Variants in KCNQ1 observed in about 807,000 individuals in gnomAD.
KCNQ1 encodes the protein potassium voltage-gated channel subfamily Q member 1, also known as potassium voltage-gated channel subfamily KQT member 1.
In KCNQ1, 49 loss-of-function variants were observed where a neutral mutation model predicts 72.4. The ratio of observed to expected loss-of-function variants is 0.68; its 90% CI spans 0.54 to 0.86. The LOEUF (loss-of-function observed/expected upper bound fraction) is 0.86. KCNQ1 is among the 40% of genes least tolerant of loss of function. KCNQ1 has a pLI of 0.00. For synonymous variants in KCNQ1, 450 were observed against 412.6 expected (o/e 1.09, Z -1.10); for missense variants, 790 against 945.1 (o/e 0.84, Z 2.15).
chr11:2,576,257 C>G (rs1047078997), intron 6 of KCNQ1, among the ~76,000 whole-genome samples: 1 of 152,198 alleles, frequency 6.6e-6, no homozygotes, highest in Non-Finnish European at 1.5e-5. Flanking sequence ...CCAGCGAAGG[C>G]GCCGGCTCAG....
intron 15 of KCNQ1, among the ~76,000 whole-genome samples, chr11:2,841,969 G>A (rs1848223515): frequency 6.6e-6 from 1 of 152,232 alleles, no homozygotes; most frequent in East Asian, 1.9e-4. Flanking sequence ...TTGGGGTGGA[G>A]CTGACCAGGC....
Position 2,678,665 on chromosome 11 carries a change from C to T in KCNQ1, c.1514+16584C>T. ...GCTCATTTTCACAAATGCAGTCAAC[C>T]AGGGGAATTCATGGCATGGCCTAAG... is the stretch of plus-strand genomic sequence containing the variant. On this transcript the variant is annotated intron_variant, in intron 11 of 15. Transcript: ENST00000155840. This position sits in a 1 kb window ranked among gnomAD's most constrained non-coding sequence, Gnocchi z 4.9. 2.5e-6 allele frequency: 1 copy of T among 398,564 alleles called. No individual in the cohort carries two copies. The highest frequency in any genetic ancestry group is 4.4e-6 in the Non-Finnish European group (1 of 226,074). The allele number at this position is 398,564 out of a possible 1,614,324, so 24.7% of individuals were successfully genotyped here.
rs973799699 is a variant in KCNQ1, at chr11:2,494,407, G to A, written c.387-33521G>A. Among the ~76,000 whole-genome samples the A allele has an allele frequency of 6.6e-6, 1 of 152,124 alleles. No homozygotes were observed. Among genetic ancestry groups the A allele is most frequent in the Non-Finnish European group, 1.5e-5 (1 of 68,022 alleles). On this transcript the variant is annotated intron_variant, in intron 1 of 15. Transcript: ENST00000155840. The surrounding 1 kb of genome is among the most constrained non-coding windows in gnomAD (Gnocchi z 4.6). ...TGTTGAATGGGAGTGGTGAGAGAGG[G>A]CATCCTTGTCTTGTGCTGGTTTTCA...
At position 2,593,084 on chromosome 11, in the gene KCNQ1, G is replaced by A. The variant is rs1220564408; in HGVS notation, c.1393+4230G>A. ...TCCAGTCCCCTCCTCATAGGGGAGT[G>A]GCCCTTTGTCTTTCACCACTGACCC... On this transcript the variant is annotated intron_variant, in intron 10 of 15. Transcript: ENST00000155840. The surrounding 1 kb of genome is among the most constrained non-coding windows in gnomAD (Gnocchi z 6.9). Among the ~76,000 whole-genome samples the A allele has an allele frequency of 6.6e-6, 1 of 152,184 alleles. No homozygotes were observed. Among genetic ancestry groups the A allele is most frequent in the Non-Finnish European group, 1.5e-5 (1 of 68,036 alleles).
At chr11:2,761,261 C>T (rs1353700551) in intron 11 of KCNQ1, among the ~76,000 whole-genome samples, 2 of 147,462 alleles carry the variant, frequency 1.4e-5, no homozygotes, top group African/African-American at 2.5e-5. Flanking sequence ...AATGGTCTGC[C>T]GGCCTGTCGG....
intron 2 of KCNQ1, among the ~76,000 whole-genome samples, chr11:2,561,105 G>C (rs1848158621): frequency 6.6e-6 from 1 of 151,472 alleles, no homozygotes; most frequent in African/African-American, 2.4e-5. Context: ...GGGAGGCTGA[G>C]GCAGTAGAAT....
chr11:2,733,777 C>CAA, intron 11 of KCNQ1, among the ~76,000 whole-genome samples: 1 of 17,202 alleles, frequency 5.8e-5, no homozygotes, highest in Non-Finnish European at 1.2e-4. Flanking sequence ...AGGCCTTCCA[C>CAA]ACACACACAC....
intron 15 of KCNQ1, among the ~76,000 whole-genome samples, chr11:2,788,560 C>T (rs996597477): frequency 5.3e-5 from 8 of 151,198 alleles, no homozygotes; most frequent in Non-Finnish European, 1.0e-4. Context: ...CCCCCGCCCC[C>T]CACACCCAAC....
rs759955554 is a variant in KCNQ1 at position 2,588,718 on chromosome 11, G to A, written c.1257G>A (p.Lys419=). ...SPKPKKSVVV[K]KKKFKLDKDN... is the part of the protein sequence containing the mutation. ...TGTTGTCTTGTTTTTTTTAGGTAAA[G>A]AAAAAAAAGTTCAAGCTGGACAAAG... The change falls in exon 10 of 16, where the codon AAG becomes AAA. Residue 419 remains lysine, a synonymous_variant. Coordinates refer to ENST00000155840, the MANE Select transcript of KCNQ1 (RefSeq NM_000218.3). This position sits in a 1 kb window ranked among gnomAD's most constrained non-coding sequence, Gnocchi z 5.6. 4 of 1,613,172 alleles carry A rather than the reference G, an allele frequency of 2.5e-6. No homozygotes were observed. Among genetic ancestry groups the A allele is most frequent in the Non-Finnish European group, 3.4e-6 (4 of 1,179,852 alleles).
In KCNQ1 at chr11:2,667,206, G is replaced by A. The variant is rs556362152; in HGVS notation, c.1514+5125G>A. The stretch of plus-strand genomic sequence containing the variant: ...AGCCCAGCTGTGGCGGCCCCCCGTG[G>A]CCCCCTAACCTTTCCAAACTTCACT... On this transcript the variant is annotated intron_variant, in intron 11 of 15. Coordinates refer to ENST00000155840, the MANE Select transcript of KCNQ1 (RefSeq NM_000218.3). 2.5e-5 allele frequency: 10 copies of A among 398,706 alleles called. No homozygotes were observed. The South Asian group carries it at 5.1e-4, about 20-fold the overall frequency. The allele number at this position is 398,706 out of a possible 1,614,324, so 24.7% of individuals were successfully genotyped here. A position where few individuals can be genotyped will look rare whatever the true frequency, so the allele number is the denominator to read the frequency against.
rs1850981394 is a variant in KCNQ1 at position 2,710,260 on chromosome 11, G to A, written c.1514+48179G>A. Among the ~76,000 whole-genome samples, 1 of 152,136 alleles carries A rather than the reference G, an allele frequency of 6.6e-6. No individual in the cohort carries two copies. Among genetic ancestry groups the A allele is most frequent in the Non-Finnish European group, 1.5e-5 (1 of 68,030 alleles). ...ACTAATGATGTTGAGCATCTTATTA[G>A]CCATTTGTATCTCTTCTTTGAAGAA... On this transcript the variant is annotated intron_variant, in intron 11 of 15. Transcript: ENST00000155840. This position sits in a 1 kb window ranked among gnomAD's most constrained non-coding sequence, Gnocchi z 4.1.
intron 2 of KCNQ1, among the ~76,000 whole-genome samples, chr11:2,539,367 C>T (rs901445683): frequency 1.3e-5 from 2 of 152,218 alleles, no homozygotes; most frequent in Admixed American, 1.3e-4. Flanking sequence ...TGTTTTCAAG[C>T]TACAGGAGCG....
In KCNQ1 at chr11:2,583,436, T is replaced by C; in HGVS notation, c.923T>C (p.Val308Ala). The C allele has an allele frequency of 6.2e-7, 1 of 1,609,588 alleles. No homozygotes were observed. The highest frequency in any genetic ancestry group is 2.2e-5 in the East Asian group (1 of 44,846). Residue 308 changes from valine to alanine, a missense_variant and splice_region_variant, in exon 7 of 16, where the codon GTC becomes GCC. Val to Ala is a moderately conservative substitution (Grantham distance 64). This residue lies in a region of KCNQ1 where 133 missense variants were observed against 219.5 expected (regional missense o/e 0.61). Transcript: ENST00000155840. ...TGACCACTGTCCCTCTCCCTGCAGG[T>C]CACAGTCACCACCATCGGCTATGGG... ...SYADALWWGVVTVTTIGYGDK... is the reference protein window; with the variant it reads ...SYADALWWGVATVTTIGYGDK...
Position 2,664,055 on chromosome 11 carries a change from G to A in KCNQ1, c.1514+1974G>A, listed in dbSNP as rs1409060743. The A allele has an allele frequency of 1.0e-5, 4 of 398,630 alleles. No individual in the cohort carries two copies. Among genetic ancestry groups the A allele is most frequent in the African/African-American group, 2.1e-5 (1 of 48,636 alleles). The allele number at this position is 398,630 out of a possible 1,614,324, so 24.7% of individuals were successfully genotyped here. A position where few individuals can be genotyped will look rare whatever the true frequency, so the allele number is the denominator to read the frequency against. ...AGCCTTTTCAGGTTGGCACTCCCAT[G>A]GCCTCCAGTGATAAGTGGGCCCAGG... is the stretch of plus-strand genomic sequence containing the variant. On this transcript the variant is annotated intron_variant, in intron 11 of 15. Transcript: ENST00000155840. This position sits in a 1 kb window ranked among gnomAD's most constrained non-coding sequence, Gnocchi z 5.1.
intron 15 of KCNQ1, among the ~76,000 whole-genome samples, chr11:2,790,533 A>G (rs913524872): frequency 2.0e-5 from 3 of 151,820 alleles, no homozygotes; most frequent in African/African-American, 7.3e-5. Flanking sequence ...CCCCTTTCCC[A>G]TCCCCCCTTC....
intron 15 of KCNQ1, among the ~76,000 whole-genome samples, chr11:2,836,593 T>C (rs1477891581): frequency 1.3e-5 from 2 of 151,994 alleles, no homozygotes; most frequent in Non-Finnish European, 2.9e-5. Flanking sequence ...GACTGGGTGG[T>C]GATGTCAGCA....
chr11:2,837,210 G>T (rs2237896), intron 15 of KCNQ1, among the ~76,000 whole-genome samples: 1 of 152,104 alleles, frequency 6.6e-6, no homozygotes, highest in African/African-American at 2.4e-5. Flanking sequence ...AAGAGCGCCC[G>T]GGGAGAGGCC....
intron 15 of KCNQ1, among the ~76,000 whole-genome samples, chr11:2,831,422 A>T (rs1847948421): frequency 6.6e-6 from 1 of 152,094 alleles, no homozygotes; most frequent in Non-Finnish European, 1.5e-5. Flanking sequence ...GGGCTGTCGA[A>T]GGTGCTTCTG....
chr11:2,685,448 A>T (rs1850470878), intron 11 of KCNQ1: 3 of 398,596 alleles, frequency 7.5e-6, no homozygotes, highest in Admixed American at 4.4e-5. Context: ...AGAAGCCCTT[A>T]TCCAGAAGCC....
Sources: gnomAD v4.1 joint callset for allele counts (sites outside exome capture counted in the v4.1 genomes callset) on GRCh38, gnomAD v4.1.1 for gene constraint, gnomAD v4.1.1 regional missense constraint, Gnocchi (gnomAD v3.1) non-coding constraint, MANE v1.5 for transcripts, NCBI Gene and HGNC (gene_info 2026-07-23, HGNC 2026-07-21) for gene names.